Variants in SKAP1 observed in about 807,000 individuals in gnomAD.
SKAP1 encodes src kinase-associated phosphoprotein 1.
Under a neutral mutation model 58.5 loss-of-function variants are expected in SKAP1, and 44 were observed. The ratio of observed to expected loss-of-function variants is 0.75; its 90% confidence interval spans 0.59 to 0.97. The LOEUF (loss-of-function observed/expected upper bound fraction) is 0.97, where lower values mean the gene tolerates loss of function less well. SKAP1 is among the 50% of genes least tolerant of loss of function. The pLI, the probability that SKAP1 is intolerant of heterozygous loss-of-function variation, is 0.00. For synonymous variants in SKAP1, 127 were observed against 149.7 expected, an observed-to-expected ratio of 0.85 and a Z score of 1.11; for missense variants, 390 against 435.2, an observed-to-expected ratio of 0.90 and a Z score of 0.92.
chr17:48,162,389 G>T, intron 11 of SKAP1, 80 bp downstream of exon 11: 1 of 837,282 alleles, frequency 1.2e-6, no homozygotes, highest in South Asian at 1.8e-5. Flanking sequence ...TGTATGACAT[G>T]GAATAATTCT....
At chr17:48,359,232 C>T (rs1483537019) in intron 3 of SKAP1, among the ~76,000 whole-genome samples, 1 of 152,062 alleles carries the variant, frequency 6.6e-6, no homozygotes, top group Non-Finnish European at 1.5e-5. Context: ...CAACTTATGG[C>T]CGATCTCATC....
chr17:48,296,376 T>C (rs1391717512), intron 4 of SKAP1, among the ~76,000 whole-genome samples: 1 of 151,988 alleles, frequency 6.6e-6, no homozygotes, highest in Non-Finnish European at 1.5e-5. Flanking sequence ...AGCTCAAAAA[T>C]AAAAAGGAAA....
chr17:48,172,639 A>G (rs2064232414), intron 9 of SKAP1, among the ~76,000 whole-genome samples: 1 of 152,118 alleles, frequency 6.6e-6, no homozygotes, highest in Non-Finnish European at 1.5e-5. Flanking sequence ...TCCTGGCCAC[A>G]TTTACTTTCC....
At chr17:48,419,856 A>T (rs959631238) in intron 1 of SKAP1, among the ~76,000 whole-genome samples, 13 of 152,132 alleles carry the variant, frequency 8.5e-5, no homozygotes, top group African/African-American at 3.1e-4. Context: ...TTAGGAGGAG[A>T]CCCTAAATGA....
intron 11 of SKAP1, among the ~76,000 whole-genome samples, chr17:48,144,867 A>G (rs1441349705): frequency 6.6e-6 from 1 of 152,210 alleles, no homozygotes; most frequent in Non-Finnish European, 1.5e-5. Context: ...GAAATCCTCA[A>G]TTTGGAAGTG....
intron 4 of SKAP1, among the ~76,000 whole-genome samples, chr17:48,203,236 T>C (rs1238224879): frequency 6.6e-6 from 1 of 152,232 alleles, no homozygotes; most frequent in Non-Finnish European, 1.5e-5. Flanking sequence ...TTCATTAAGC[T>C]CAACTTTCTT....
intron 11 of SKAP1, among the ~76,000 whole-genome samples, chr17:48,142,888 C>T (rs994569537): frequency 3.3e-5 from 5 of 152,074 alleles, no homozygotes; most frequent in Non-Finnish European, 7.4e-5. Flanking sequence ...TCACTGCAAC[C>T]ACTCCTGGGC....
chr17:48,327,796 T>A (rs1416000928), intron 4 of SKAP1, among the ~76,000 whole-genome samples: 1 of 152,042 alleles, frequency 6.6e-6, no homozygotes, highest in Non-Finnish European at 1.5e-5. Context: ...TGGCTAATAT[T>A]TTTTTCTTCA....
intron 4 of SKAP1, among the ~76,000 whole-genome samples, chr17:48,329,977 A>C (rs1240325797): frequency 6.6e-6 from 1 of 152,234 alleles, no homozygotes. Context: ...TGTGGTAGGC[A>C]TTCAATAAAT....
At chr17:48,424,930 CAAA>C (rs11430293) in intron 1 of SKAP1, among the ~76,000 whole-genome samples, 2 of 84,414 alleles carry the variant, frequency 2.4e-5, no homozygotes, top group Non-Finnish European at 2.5e-5. Flanking sequence ...GACTCTGTCT[CAAA>C]AAAAAAAAAA....
intron 11 of SKAP1, among the ~76,000 whole-genome samples, chr17:48,157,842 T>C (rs2064001101): frequency 1.3e-5 from 2 of 150,070 alleles, no homozygotes; most frequent in East Asian, 4.1e-4. Flanking sequence ...GGGGAGCATC[T>C]TTCTTGCCCA....
At chr17:48,300,582 A>G (rs1448469964) in intron 4 of SKAP1, among the ~76,000 whole-genome samples, 1 of 152,198 alleles carries the variant, frequency 6.6e-6, no homozygotes, top group Non-Finnish European at 1.5e-5. Flanking sequence ...CACATATTAT[A>G]CCAAGAGAGA....
the SKAP1 span, among the ~76,000 whole-genome samples, chr17:48,441,964 C>T: frequency 2.0e-5 from 3 of 152,102 alleles, no homozygotes; most frequent in Non-Finnish European, 4.4e-5. Context: ...CAGCATTTAA[C>T]GCATATCTTG....
chr17:48,381,458 C>T lies in SKAP1; in HGVS notation c.152+15222G>A, dbSNP rs549307218. 1.6e-4 allele frequency among the ~76,000 whole-genome samples: 25 copies of T among 152,324 alleles called. No homozygotes were observed. The South Asian group carries it at 4.4e-3, about 27-fold the overall frequency. On this transcript the variant is annotated intron_variant, in intron 2 of 12. Transcript: ENST00000336915. ...CCAAAAACCTATCCCATTCACCCCA[C>T]GGCCAAGTCATGATGCCAACTCATC...
rs566987294 is a variant in SKAP1 at position 48,143,871 on chromosome 17, C to T, written c.979-6534G>A. On this transcript the variant is annotated intron_variant, in intron 11 of 12. Transcript: ENST00000336915. The stretch of plus-strand genomic sequence containing the variant: ...AACTTTGACTAACACTTTGTAGCAC[C>T]CCTCTTTAGTCGTAATGCCAGGAGT... Among the ~76,000 whole-genome samples, 4 of 152,246 alleles carry T rather than the reference C, an allele frequency of 2.6e-5. No individual in the cohort carries two copies. The East Asian group carries it at 7.7e-4, about 29-fold the overall frequency.
At chr17:48,387,505 A>G (rs1035262716) in intron 2 of SKAP1, among the ~76,000 whole-genome samples, 1 of 152,218 alleles carries the variant, frequency 6.6e-6, no homozygotes, top group Non-Finnish European at 1.5e-5. Flanking sequence ...TGTACATTTA[A>G]TAATTTCAAG....
In SKAP1 at chr17:48,170,664, G is replaced by A. The variant is rs1337849382; in HGVS notation, c.827-5C>T. The A allele has an allele frequency of 6.2e-7, 1 of 1,612,468 alleles. No homozygotes were observed. The highest frequency in any genetic ancestry group is 1.1e-5 in the South Asian group (1 of 91,026). ...CTTCTAGATCATGCTCTTCATCTGG[G>A]GGGATAAATGATCAGTATTAGCAAT... On this transcript the variant is annotated splice_region_variant and splice_polypyrimidine_tract_variant and intron_variant, in intron 9 of 12. Transcript: ENST00000336915.
chr17:48,391,311 G>C (rs1010574199), intron 2 of SKAP1, among the ~76,000 whole-genome samples: 14 of 152,094 alleles, frequency 9.2e-5, no homozygotes, highest in Non-Finnish European at 2.9e-5. Flanking sequence ...AAAATTATAA[G>C]GAGAGTTATA....
intron 11 of SKAP1, among the ~76,000 whole-genome samples, chr17:48,158,961 A>G (rs62066408): frequency 2.2e-5 from 2 of 92,226 alleles, no homozygotes; most frequent in South Asian, 9.7e-4. Context: ...CGCCTTCTCA[A>G]AAAGAAAAAA....
Sources: allele counts gnomAD v4.1 joint callset (sites outside exome capture counted in the v4.1 genomes callset), GRCh38; gene constraint gnomAD v4.1.1; transcripts MANE v1.5; gene names NCBI Gene and HGNC (gene_info 2026-07-23, HGNC 2026-07-21).